Variants in DISC1 observed in about 807,000 individuals in gnomAD.
DISC1 encodes disrupted in schizophrenia 1 protein.
In DISC1, 57 loss-of-function variants were observed where a neutral mutation model predicts 84.5. That is an observed-to-expected ratio of 0.67 (90% CI 0.55 to 0.84). The LOEUF (loss-of-function observed/expected upper bound fraction) is 0.84. Among genes scored for constraint, DISC1 ranks in the 40% least tolerant of loss-of-function variants. The pLI is 0.00. For missense variants in DISC1, 1,000 were observed against 1,057.8 expected, an observed-to-expected ratio of 0.95 and a Z score of 0.76; for synonymous variants, 411 against 415.2, an observed-to-expected ratio of 0.99 and a Z score of 0.12.
chr1:231,899,370 G>A (rs1269957219), intron 9 of DISC1, among the ~76,000 whole-genome samples: 1 of 152,116 alleles, frequency 6.6e-6, no homozygotes, highest in South Asian at 2.1e-4. Context: ...TGCTGGTCTG[G>A]GGACCACATT....
chr1:231,673,455 G>C (rs1040439132), intron 1 of DISC1, among the ~76,000 whole-genome samples: 1 of 152,280 alleles, frequency 6.6e-6, no homozygotes, highest in Non-Finnish European at 1.5e-5. Flanking sequence ...AGCCTCTTGA[G>C]TAGCTGGGAC....
In DISC1 at chr1:231,897,732, C is replaced by T. The variant is rs6541290; in HGVS notation, c.1982-61096C>T. Reference sequence around the variant, plus strand: ...ATTGAAACACCTGGTTTACTTCACACTTGATCACTGGCATGTTCAAGAACA... The same window carrying T: ...ATTGAAACACCTGGTTTACTTCACATTTGATCACTGGCATGTTCAAGAACA... On this transcript the variant is annotated intron_variant, in intron 9 of 12. Coordinates refer to ENST00000439617, the MANE Select transcript of DISC1 (RefSeq NM_018662.3). The surrounding 1 kb of genome is among the most constrained non-coding windows in gnomAD (Gnocchi z 4.5). 0.12 allele frequency among the ~76,000 whole-genome samples: 18,389 copies of T among 152,178 alleles called. 1,241 individuals are homozygous for T. The highest frequency in any genetic ancestry group is 0.26 in the East Asian group (1,354 of 5,168).
At chr1:231,727,405 T>A (rs527570826) in intron 3 of DISC1, among the ~76,000 whole-genome samples, 68 of 152,164 alleles carry the variant, frequency 4.5e-4, no homozygotes, top group African/African-American at 1.4e-3. Flanking sequence ...CTGCTGCATG[T>A]CCTACATGTG....
chr1:231,990,314 C>T lies in DISC1; in HGVS notation c.2043-18471C>T, dbSNP rs548911337. Among the ~76,000 whole-genome samples, 9 of 151,850 alleles carry T rather than the reference C, an allele frequency of 5.9e-5. No homozygotes were observed. In the South Asian group the frequency reaches 6.3e-4, roughly 11 times the overall value. On this transcript the variant is annotated intron_variant, in intron 10 of 12. Transcript: ENST00000439617. ...CACCACTAAAGGTCTTGGAAAGACACGGGGAAGGCAAGCAGAAGCACAGGT... is the reference window on the plus strand; with the variant it reads ...CACCACTAAAGGTCTTGGAAAGACATGGGGAAGGCAAGCAGAAGCACAGGT...
intron 1 of DISC1, among the ~76,000 whole-genome samples, chr1:231,628,875 G>C (rs4658880): frequency 0.29 from 43,963 of 152,018 alleles, 7,454 homozygotes; most frequent in East Asian, 0.59. Context: ...TTGAGTAGTT[G>C]GGATTACAGG....
rs374657617 is a variant in DISC1 at position 232,018,375 on chromosome 1, A to G, written c.2308-8060A>G. Among the ~76,000 whole-genome samples, 8 of 152,334 alleles carry G rather than the reference A, an allele frequency of 5.3e-5. No homozygotes were observed. The South Asian group carries it at 1.7e-3, about 32-fold the overall frequency. ...TTATGGGAACTATAACTGAGTAAAA[A>G]TGTCCTTGGAGACCCTGGTCATGGA... On this transcript the variant is annotated intron_variant, in intron 11 of 12. Coordinates refer to ENST00000439617, the MANE Select transcript of DISC1 (RefSeq NM_018662.3).
intron 9 of DISC1, among the ~76,000 whole-genome samples, chr1:231,824,889 TCCATCCATCCATCCATCCATCCAC>T (rs368913029): frequency 0.026 from 3,962 of 151,680 alleles, 160 homozygotes; most frequent in African/African-American, 0.089. Context: ...CATCCATCCA[TCCATCCATCCATCCATCCATCCAC>T]CCATCCATCC....
intron 9 of DISC1, among the ~76,000 whole-genome samples, chr1:231,900,430 C>T (rs960419247): frequency 3.3e-5 from 5 of 152,192 alleles, no homozygotes; most frequent in South Asian, 2.1e-4. Context: ...AATTGGCCTA[C>T]GTGGTTCACT....
intron 9 of DISC1, among the ~76,000 whole-genome samples, chr1:231,905,727 C>T (rs1022018630): frequency 6.6e-6 from 1 of 152,018 alleles, no homozygotes; most frequent in Non-Finnish European, 1.5e-5. Context: ...GCATGGGGGA[C>T]CCTTTTGTTG....
chr1:231,782,185 T>G (rs201393395), intron 6 of DISC1, among the ~76,000 whole-genome samples: 3 of 152,238 alleles, frequency 2.0e-5, no homozygotes, highest in Non-Finnish European at 2.9e-5. Context: ...CAGCTTCCTC[T>G]TTGAGTCATG....
At chr1:231,631,835 G>A (rs2058734740) in intron 1 of DISC1, among the ~76,000 whole-genome samples, 1 of 152,050 alleles carries the variant, frequency 6.6e-6, no homozygotes, top group South Asian at 2.1e-4. Context: ...AATGAATTTA[G>A]TATAGCCTAA....
intron 1 of DISC1, among the ~76,000 whole-genome samples, chr1:231,657,968 T>A (rs2061261407): frequency 6.6e-6 from 1 of 152,122 alleles, no homozygotes; most frequent in African/African-American, 2.4e-5. Flanking sequence ...CATTTGGGAT[T>A]TGTTGGTTCC....
rs1431261689 is a variant in DISC1 at position 231,681,557 on chromosome 1, A to G, written c.68-12269A>G. Among the ~76,000 whole-genome samples the G allele has an allele frequency of 2.6e-5, 4 of 152,270 alleles. No homozygotes were observed. In the East Asian group the frequency reaches 7.7e-4, roughly 29 times the overall value. The stretch of plus-strand genomic sequence containing the variant: ...GGTCAGGTCCAGGTGCCTTTGCCTC[A>G]TCTTTATTCATGAATTGAAAATAAC... On this transcript the variant is annotated intron_variant, in intron 1 of 12. Transcript: ENST00000439617.
chr1:232,022,264 C>T (rs1248385776), intron 11 of DISC1, among the ~76,000 whole-genome samples: 6 of 151,544 alleles, frequency 4.0e-5, no homozygotes, highest in African/African-American at 1.5e-4. Flanking sequence ...CATTTATGGA[C>T]TAAGAGGCAG....
intron 1 of DISC1, among the ~76,000 whole-genome samples, chr1:231,645,861 C>A (rs892659438): frequency 1.3e-5 from 2 of 150,484 alleles, no homozygotes; most frequent in South Asian, 4.2e-4. Context: ...TTTATGGCTG[C>A]GTAGTATTCC....
chr1:231,715,193 G>A (rs2068522261), intron 3 of DISC1, among the ~76,000 whole-genome samples: 1 of 152,144 alleles, frequency 6.6e-6, no homozygotes, highest in South Asian at 2.1e-4. Flanking sequence ...GATGAGGTGG[G>A]TACATCTGTT....
intron 1 of DISC1, among the ~76,000 whole-genome samples, chr1:231,644,561 A>G (rs1194467283): frequency 6.6e-6 from 1 of 152,058 alleles, no homozygotes; most frequent in Non-Finnish European, 1.5e-5. Context: ...AACATCAGCA[A>G]CCCTGCAGGT....
At chr1:231,793,044 C>A (rs1442487249) in intron 6 of DISC1, among the ~76,000 whole-genome samples, 1 of 152,172 alleles carries the variant, frequency 6.6e-6, no homozygotes, top group Non-Finnish European at 1.5e-5. Flanking sequence ...TAGTACGGAC[C>A]TGCACCAGTT....
At chr1:231,703,217 G>A (rs1382557083) in intron 3 of DISC1, among the ~76,000 whole-genome samples, 1 of 152,234 alleles carries the variant, frequency 6.6e-6, no homozygotes, top group Non-Finnish European at 1.5e-5. Flanking sequence ...TGGAGACAGA[G>A]GAGGGACTCT....
Sources: allele counts gnomAD v4.1 joint callset (sites outside exome capture counted in the v4.1 genomes callset), GRCh38; gene constraint gnomAD v4.1.1; non-coding constraint Gnocchi (gnomAD v3.1); transcripts MANE v1.5; gene names NCBI Gene and HGNC (gene_info 2026-07-23, HGNC 2026-07-21).